Variants in CARMIL1 observed in about 807,000 individuals in gnomAD.
The protein encoded by CARMIL1 is capping protein regulator and myosin 1 linker 1, also known as F-actin-uncapping protein LRRC16A.
CARMIL1 carries 90 observed loss-of-function variants against 177.1 expected under a neutral mutation model. The observed-to-expected ratio is 0.51, with a 90% confidence interval of 0.43 to 0.61. The LOEUF is 0.61. Among genes scored for constraint, CARMIL1 ranks in the 20% least tolerant of loss-of-function variants. The pLI is 0.00. For synonymous variants in CARMIL1, 577 were observed against 606.2 expected (o/e 0.95, Z 0.71); for missense variants, 1,380 against 1,667.0 (o/e 0.83, Z 3.00).
In CARMIL1 at chr6:25,353,830, C is replaced by G. The variant is rs533108479; in HGVS notation, c.139-66284C>G. On this transcript the variant is annotated intron_variant, in intron 2 of 36. Coordinates refer to ENST00000329474, the MANE Select transcript of CARMIL1 (RefSeq NM_017640.6). ...CTACTGACAGTGTCTATTGGCTGAC[C>G]CTGTACCATTCACTACCCTTTTCAT... Among the ~76,000 whole-genome samples the G allele has an allele frequency of 5.9e-5, 9 of 152,218 alleles. No homozygotes were observed. The South Asian group carries it at 1.9e-3, about 32-fold the overall frequency.
chr6:25,323,499 C>T (rs1340872921), intron 2 of CARMIL1, among the ~76,000 whole-genome samples: 1 of 151,532 alleles, frequency 6.6e-6, no homozygotes, highest in Admixed American at 6.6e-5. Flanking sequence ...GTCCCAGCTA[C>T]TCGGGAGGCT....
intron 8 of CARMIL1, among the ~76,000 whole-genome samples, chr6:25,454,184 T>C (rs182253642): frequency 5.7e-4 from 87 of 152,372 alleles, no homozygotes; most frequent in African/African-American, 2.0e-3. Context: ...ATCATCTACT[T>C]TTCTTGCTTA....
intron 26 of CARMIL1, among the ~76,000 whole-genome samples, chr6:25,543,414 TG>T (rs1473928135): frequency 6.6e-6 from 1 of 152,104 alleles, no homozygotes; most frequent in Non-Finnish European, 1.5e-5. Flanking sequence ...TTGAAGGGGA[TG>T]ATGTTTTCTC....
chr6:25,280,755 T>C (rs1781025998), intron 1 of CARMIL1, among the ~76,000 whole-genome samples: 25 of 152,146 alleles, frequency 1.6e-4, no homozygotes, highest in Admixed American at 1.6e-3. Context: ...TAACAAGGTA[T>C]GTGCGTCTGT....
intron 2 of CARMIL1, among the ~76,000 whole-genome samples, chr6:25,401,989 A>G (rs1361704409): frequency 6.7e-6 from 1 of 150,374 alleles, no homozygotes; most frequent in Non-Finnish European, 1.5e-5. Flanking sequence ...ATTTGCGTGT[A>G]GTTTTTTTTT....
intron 36 of CARMIL1, among the ~76,000 whole-genome samples, chr6:25,615,410 A>T (rs1816818787): frequency 6.6e-6 from 1 of 152,202 alleles, no homozygotes; most frequent in African/African-American, 2.4e-5. Context: ...AAATATTTGT[A>T]AGCACATTTT....
intron 2 of CARMIL1, among the ~76,000 whole-genome samples, chr6:25,358,316 G>A (rs1788840176): frequency 6.6e-6 from 1 of 152,160 alleles, no homozygotes. Flanking sequence ...ATATTATGTA[G>A]ACAGTAGAAA....
At chr6:25,594,368 T>C (rs1814611737) in intron 31 of CARMIL1, 47 bp from the exon 32 acceptor site, 2 of 1,224,210 alleles carry the variant, frequency 1.6e-6, no homozygotes, top group Non-Finnish European at 2.4e-6. Context: ...AAATGTTTGC[T>C]AAATCAAGGT....
rs535816044 is a variant in CARMIL1 at position 25,428,289 on chromosome 6, A to G, written c.249+1729A>G. On this transcript the variant is annotated intron_variant, in intron 4 of 36. Transcript: ENST00000329474. ...TCCAGTAACATTTGTTTGAAAGACT[A>G]TTGTTTCCTCACTGAGCTTGTTTTC... is the stretch of plus-strand genomic sequence containing the variant. 4.1e-4 allele frequency among the ~76,000 whole-genome samples: 62 copies of G among 152,070 alleles called. 1 individual carries two copies. The highest frequency in any genetic ancestry group is 1.4e-3 in the African/African-American group (58 of 41,484).
At chr6:25,296,031 A>G (rs1278508949) in intron 2 of CARMIL1, among the ~76,000 whole-genome samples, 1 of 152,228 alleles carries the variant, frequency 6.6e-6, no homozygotes, top group Admixed American at 6.5e-5. Flanking sequence ...CCATAAGCTA[A>G]TATGCATGTA....
At chr6:25,356,501 C>T (rs1428703914) in intron 2 of CARMIL1, among the ~76,000 whole-genome samples, 1 of 152,194 alleles carries the variant, frequency 6.6e-6, no homozygotes, top group East Asian at 1.9e-4. Context: ...TATCTGGGAG[C>T]AGCAAGGATT....
chr6:25,469,718 C>T (rs1446659356), intron 9 of CARMIL1, among the ~76,000 whole-genome samples: 1 of 152,016 alleles, frequency 6.6e-6, no homozygotes, highest in East Asian at 1.9e-4. Flanking sequence ...CAGTCTGGGA[C>T]CCCACCCCAC....
rs1432146369 is a variant in CARMIL1, at chr6:25,284,823, G to A, written c.52G>A (p.Asp18Asn). ...VPRELIESIK[D>N]VIGRKIKISV... Reference sequence around the variant, plus strand: ...CTTTTTTTTTTCAGAAAGCATAAAGGATGTTATTGGCAGAAAGATAAAAAT... The same window carrying A: ...CTTTTTTTTTTCAGAAAGCATAAAGAATGTTATTGGCAGAAAGATAAAAAT... Residue 18 changes from aspartate to asparagine, a missense_variant, in exon 2 of 37, where the codon GAT (aspartate) becomes AAT (asparagine). Coordinates refer to ENST00000329474, the MANE Select transcript of CARMIL1 (RefSeq NM_017640.6). 1 of 1,536,120 alleles carries A rather than the reference G, an allele frequency of 6.5e-7. No homozygotes were observed.
intron 29 of CARMIL1, chr6:25,563,958 G>T (rs1291616086): frequency 2.7e-6 from 2 of 736,238 alleles, no homozygotes; most frequent in Non-Finnish European, 3.3e-6. Flanking sequence ...TTGCAACCAG[G>T]ATTAAAAAAA....
Position 25,510,603 on chromosome 6 carries a change from C to A in CARMIL1, c.1574C>A (p.Ser525Tyr), listed in dbSNP as rs1214980755. 37 of 1,543,546 alleles carry A rather than the reference C, an allele frequency of 2.4e-5. No homozygotes were observed. In the East Asian group the frequency reaches 9.0e-4, roughly 38 times the overall value. ...ALGKNFNNMK[S>Y]KNLTPVLDNL... ...GGCAAAAATTTTAATAATATGAAATCCAAGTAAGAGTTTTGAATTTTTTTA... is the reference window on the plus strand; with the variant it reads ...GGCAAAAATTTTAATAATATGAAATACAAGTAAGAGTTTTGAATTTTTTTA... The change falls in exon 19 of 37, where the codon TCC (serine) becomes TAC (tyrosine). Residue 525 changes from serine (S) to tyrosine (Y), a missense_variant. Ser to Tyr is a moderately radical substitution (Grantham distance 144, BLOSUM62 -2). Coordinates refer to ENST00000329474, the MANE Select transcript of CARMIL1 (RefSeq NM_017640.6).
chr6:25,514,764 A>G (rs1805804480), intron 20 of CARMIL1, among the ~76,000 whole-genome samples: 1 of 152,002 alleles, frequency 6.6e-6, no homozygotes, highest in Non-Finnish European at 1.5e-5. Context: ...TCTACAAAAA[A>G]TATTTTAAAA....
intron 2 of CARMIL1, among the ~76,000 whole-genome samples, chr6:25,347,683 AGC>A (rs1787661568): frequency 6.6e-6 from 1 of 152,230 alleles, no homozygotes; most frequent in Non-Finnish European, 1.5e-5. Context: ...CCCTTTACTC[AGC>A]TTTCCCTAAT....
chr6:25,300,694 A>G (rs919180805), intron 2 of CARMIL1, among the ~76,000 whole-genome samples: 1 of 152,214 alleles, frequency 6.6e-6, no homozygotes, highest in Non-Finnish European at 1.5e-5. Context: ...TAGGAGACCT[A>G]TCTAGACCTA....
chr6:25,541,381 T>A (rs1212572713), intron 26 of CARMIL1, among the ~76,000 whole-genome samples: 1 of 152,216 alleles, frequency 6.6e-6, no homozygotes, highest in African/African-American at 2.4e-5. Context: ...TATAGGTTGA[T>A]GAATAATCAT....
Sources: gnomAD v4.1 joint callset for allele counts (sites outside exome capture counted in the v4.1 genomes callset) on GRCh38, gnomAD v4.1.1 for gene constraint, MANE v1.5 for transcripts, NCBI Gene and HGNC (gene_info 2026-07-23, HGNC 2026-07-21) for gene names.